SNX25: variants seen among roughly 807,000 people sequenced by gnomAD.
The protein encoded by SNX25 is sorting nexin 25.
A neutral mutation model predicts 113.7 loss-of-function variants in SNX25; 62 were observed. The observed-to-expected ratio is 0.55, with a 90% CI of 0.44 to 0.67. The LOEUF is 0.67. Among genes scored for constraint, SNX25 ranks in the 30% least tolerant of loss-of-function variants. The pLI, the probability that SNX25 is intolerant of heterozygous loss-of-function variation, is 0.00. For synonymous variants in SNX25, 421 were observed against 436.2 expected (o/e 0.97, Z 0.43); for missense variants, 1,014 against 1,161.0 (o/e 0.87, Z 1.84).
chr4:185,311,742 G>T (rs1310059563), intron 7 of SNX25, among the ~76,000 whole-genome samples: 2 of 152,162 alleles, frequency 1.3e-5, no homozygotes, highest in African/African-American at 4.8e-5. Flanking sequence ...CTACTCATCT[G>T]TGATGTTCCC....
chr4:185,247,189 T>C (rs1281145306), intron 1 of SNX25, 105 bp from the exon 2 acceptor site: 1 of 757,092 alleles, frequency 1.3e-6, no homozygotes, highest in African/African-American at 1.8e-5. Context: ...TCGTTAAGCC[T>C]TATCTTAATG....
At chr4:185,264,366 T>A in intron 3 of SNX25, 72 bp from the exon 4 acceptor site, 1 of 1,390,578 alleles carries the variant, frequency 7.2e-7, no homozygotes, top group East Asian at 2.3e-5. Flanking sequence ...TTTGAAATAT[T>A]TTTTACCTAA....
Position 185,262,585 on chromosome 4 carries a change from CTACCTTTTAT to C in SNX25, c.732-1847_732-1838del, listed in dbSNP as rs1231899463. On this transcript the variant is annotated intron_variant, in intron 3 of 18. Coordinates refer to ENST00000652585, the MANE Select transcript of SNX25 (RefSeq NM_001378034.2). ...AGAACAGGACTTGAGAGAGTTACTT[CTACCTTTTAT>C]TACCTCTGTGACTTTGACAGTTCAC... is the stretch of plus-strand genomic sequence containing the variant. Among the ~76,000 whole-genome samples, 20 of 152,300 alleles carry C rather than the reference CTACCTTTTAT, an allele frequency of 1.3e-4. 1 individual carries two copies. The highest frequency in any genetic ancestry group is 5.9e-4 in the Admixed American group (9 of 15,292).
intron 16 of SNX25, among the ~76,000 whole-genome samples, chr4:185,360,780 A>T (rs1338490835): frequency 6.6e-6 from 1 of 151,988 alleles, no homozygotes; most frequent in Non-Finnish European, 1.5e-5. Flanking sequence ...TTAGCTGGGC[A>T]TGGTGGCACA....
chr4:185,238,651 T>C (rs1283268727), intron 1 of SNX25, among the ~76,000 whole-genome samples: 1 of 152,198 alleles, frequency 6.6e-6, no homozygotes, highest in Non-Finnish European at 1.5e-5. Flanking sequence ...ATGTGGTTAA[T>C]GATGATTTTT....
At chr4:185,368,555 G>T (rs762434241), downstream of SNX25, among the ~76,000 whole-genome samples, 1 of 152,158 alleles carries the variant, frequency 6.6e-6, no homozygotes, top group Non-Finnish European at 1.5e-5. Context: ...TGCTCTGAGG[G>T]AGACCATTTC....
rs559887843 is a variant in SNX25 at position 185,304,434 on chromosome 4, C to T, written c.1163-6201C>T. On this transcript the variant is annotated intron_variant, in intron 6 of 18. Coordinates refer to ENST00000652585, the MANE Select transcript of SNX25 (RefSeq NM_001378034.2). ...AGTGAAATGGCGCATCTCGGCTCAC[C>T]TCAACCTCCACCTCCTGGGTTCAAG... 9.2e-5 allele frequency among the ~76,000 whole-genome samples: 14 copies of T among 152,298 alleles called. No individual in the cohort carries two copies. The South Asian group carries it at 2.7e-3, about 29-fold the overall frequency.
chr4:185,212,830 C>G (rs775451806), intron 1 of SNX25, among the ~76,000 whole-genome samples: 70 of 152,160 alleles, frequency 4.6e-4, no homozygotes, highest in Admixed American at 1.8e-3. Flanking sequence ...ACAGTGACTG[C>G]TACACAAATT....
At chr4:185,378,397 G>C in the SNX25 span, 1 of 1,372,762 alleles carries the variant, frequency 7.3e-7, no homozygotes, top group Non-Finnish European at 9.4e-7. Flanking sequence ...CCCTAGCTGA[G>C]AGACAGCCAT....
In SNX25 at chr4:185,323,526, A is replaced by G. The variant is rs1029202440; in HGVS notation, c.1477-2A>G. On this transcript the variant is annotated splice_acceptor_variant, in intron 8 of 18. Transcript: ENST00000652585. LOFTEE classifies it high-confidence loss of function. ...CTTTTCCTTATCTTCCTGTCTTTTC[A>G]GAATGAAATTCCACAATTAGTTGGT... The G allele has an allele frequency of 1.2e-6, 2 of 1,605,852 alleles. No individual in the cohort carries two copies. The highest frequency in any genetic ancestry group is 1.7e-6 in the Non-Finnish European group (2 of 1,177,116).
chr4:185,269,996 C>T (rs961920895), intron 5 of SNX25, among the ~76,000 whole-genome samples: 1 of 151,260 alleles, frequency 6.6e-6, no homozygotes, highest in Non-Finnish European at 1.5e-5. Context: ...AATGGTTTAT[C>T]TTCTTCAAAA....
At chr4:185,340,791 C>T (rs112537524) in intron 11 of SNX25, among the ~76,000 whole-genome samples, 2,170 of 152,242 alleles carry the variant, frequency 0.014, 35 homozygotes, top group Middle Eastern at 0.027. Context: ...GTGCCCTGGC[C>T]GTCAGTTGCT....
intron 1 of SNX25, among the ~76,000 whole-genome samples, chr4:185,223,891 T>C (rs1740412976): frequency 6.6e-6 from 1 of 152,216 alleles, no homozygotes; most frequent in Non-Finnish European, 1.5e-5. Context: ...TAAATACTTT[T>C]AGAAGAGTAT....
At chr4:185,368,927 G>A (rs948167960), downstream of SNX25, among the ~76,000 whole-genome samples, 1 of 151,624 alleles carries the variant, frequency 6.6e-6, no homozygotes, top group African/African-American at 2.4e-5. Context: ...CCGAGTAGCT[G>A]GGACTATGGA....
intron 4 of SNX25, among the ~76,000 whole-genome samples, 172 bp downstream of exon 4, chr4:185,264,782 T>C (rs1747813833): frequency 1.3e-5 from 2 of 152,242 alleles, no homozygotes; most frequent in South Asian, 4.1e-4. Context: ...TAATATGACA[T>C]ATCGCCAAAT....
chr4:185,242,607 C>G (rs1416784402), intron 1 of SNX25, among the ~76,000 whole-genome samples: 1 of 152,172 alleles, frequency 6.6e-6, no homozygotes, highest in African/African-American at 2.4e-5. Flanking sequence ...AGCTTTCATG[C>G]CCTCCCTGGG....
intron 3 of SNX25, among the ~76,000 whole-genome samples, chr4:185,262,820 A>G (rs910205870): frequency 2.6e-5 from 4 of 152,238 alleles, no homozygotes; most frequent in African/African-American, 9.6e-5. Flanking sequence ...TCCACACGGA[A>G]CACAGTAAGG....
At chr4:185,304,498 C>T (rs1754172501) in intron 6 of SNX25, among the ~76,000 whole-genome samples, 1 of 152,182 alleles carries the variant, frequency 6.6e-6, no homozygotes, top group Non-Finnish European at 1.5e-5. Flanking sequence ...GCTGGGATTA[C>T]AGGCATGCGC....
intron 13 of SNX25, among the ~76,000 whole-genome samples, chr4:185,347,066 C>T (rs2095290775): frequency 6.6e-6 from 1 of 152,216 alleles, no homozygotes; most frequent in South Asian, 2.1e-4. Flanking sequence ...TCATTATGTT[C>T]ATAGGACTCA....
Sources: allele counts gnomAD v4.1 joint callset (sites outside exome capture counted in the v4.1 genomes callset), GRCh38; gene constraint gnomAD v4.1.1; transcripts MANE v1.5; gene names NCBI Gene and HGNC (gene_info 2026-07-23, HGNC 2026-07-21).